The following PREX2 variants were observed in gnomAD, a reference collection of about 807,000 sequenced individuals.
PREX2 encodes the protein phosphatidylinositol-3,4,5-trisphosphate dependent Rac exchange factor 2.
A neutral mutation model predicts 203.2 loss-of-function variants in PREX2; 107 were observed. That is an observed-to-expected ratio of 0.53 (90% confidence interval 0.45 to 0.62). The LOEUF (loss-of-function observed/expected upper bound fraction) is 0.62, where lower values mean the gene tolerates loss of function less well. Ranked by LOEUF, PREX2 falls within the 20% of genes least tolerant of loss-of-function variation. PREX2 has a pLI of 0.00. For synonymous variants in PREX2, 672 were observed against 663.6 expected (o/e 1.01, Z -0.19); for missense variants, 1,777 against 1,955.9 (o/e 0.91, Z 1.72).
At chr8:68,093,995 T>C (rs1402760550) in intron 21 of PREX2, among the ~76,000 whole-genome samples, 3 of 152,336 alleles carry the variant, frequency 2.0e-5, no homozygotes, top group South Asian at 2.1e-4. Context: ...TCATTCTTTT[T>C]TGAGTGGAGA....
Position 68,120,188 on chromosome 8 carries a change from A to G in PREX2, c.3505-8A>G. On this transcript the variant is annotated splice_region_variant and splice_polypyrimidine_tract_variant and intron_variant, in intron 28 of 39. Coordinates refer to ENST00000288368, the MANE Select transcript of PREX2 (RefSeq NM_024870.4). ...AATATGTAACTCGGAAATCTCTACT[A>G]TTGATAGGTGGATTCAATTACCAAT... The G allele has an allele frequency of 6.3e-7, 1 of 1,580,730 alleles. No individual in the cohort carries two copies. Among genetic ancestry groups the G allele is most frequent in the Non-Finnish European group, 8.7e-7 (1 of 1,149,788 alleles).
At chr8:68,191,442 A>T (rs1812292076) in intron 35 of PREX2, among the ~76,000 whole-genome samples, 1 of 152,166 alleles carries the variant, frequency 6.6e-6, no homozygotes, top group African/African-American at 2.4e-5. Flanking sequence ...CAGTCTTATG[A>T]AGTAGAAGCT....
chr8:68,065,872 G>T (rs992410103), intron 11 of PREX2, among the ~76,000 whole-genome samples: 2 of 152,170 alleles, frequency 1.3e-5, no homozygotes, highest in African/African-American at 4.8e-5. Context: ...AAAGCGTAGA[G>T]ATTTAGTAGG....
At chr8:68,052,462 A>G (rs1387317232) in intron 8 of PREX2, among the ~76,000 whole-genome samples, 1 of 152,246 alleles carries the variant, frequency 6.6e-6, no homozygotes, top group Non-Finnish European at 1.5e-5. Flanking sequence ...ATGTCAATTT[A>G]TCTTCAAAAA....
chr8:68,231,523 A>T lies in PREX2; in HGVS notation c.*145A>T. 1 of 590,446 alleles carries T rather than the reference A, an allele frequency of 1.7e-6. No homozygotes were observed. Among genetic ancestry groups the T allele is most frequent in the Non-Finnish European group, 2.8e-6 (1 of 358,330 alleles). 36.6% of individuals were successfully genotyped at this position (590,446 alleles called of 1,614,324 possible). ...GTAAATCTTTCTTCCCATTGCAAAC[A>T]AGTAGTGATCAGTTTATACTTTGAT... On this transcript the variant is annotated 3_prime_UTR_variant, in exon 40 of 40. Coordinates refer to ENST00000288368, the MANE Select transcript of PREX2 (RefSeq NM_024870.4).
At chr8:68,017,268 A>C (rs776369595) in intron 1 of PREX2, among the ~76,000 whole-genome samples, 8 of 152,184 alleles carry the variant, frequency 5.3e-5, no homozygotes, top group Non-Finnish European at 1.0e-4. Flanking sequence ...CAGAAATTTA[A>C]ATTCTGGCTT....
At chr8:68,060,918 G>A in intron 11 of PREX2, 139 bp downstream of exon 11, 1 of 591,626 alleles carries the variant, frequency 1.7e-6, no homozygotes, top group Non-Finnish European at 2.9e-6. Flanking sequence ...TACCTAATAA[G>A]TGTAGAACAG....
rs930278241 is a variant in PREX2 at position 68,122,544 on chromosome 8, A to G, written c.3724+1495A>G. Among the ~76,000 whole-genome samples, 7 of 152,232 alleles carry G rather than the reference A, an allele frequency of 4.6e-5. No homozygotes were observed. The East Asian group carries it at 1.3e-3, about 29-fold the overall frequency. On this transcript the variant is annotated intron_variant, in intron 30 of 39. Transcript: ENST00000288368. ...TTTCTGCTGAATAGATGCCAGTATTATGACACTACTAGAAACTATAATTCT... is the reference window on the plus strand; with the variant it reads ...TTTCTGCTGAATAGATGCCAGTATTGTGACACTACTAGAAACTATAATTCT...
At chr8:68,040,658 T>C (rs1160288024) in intron 7 of PREX2, among the ~76,000 whole-genome samples, 1 of 152,170 alleles carries the variant, frequency 6.6e-6, no homozygotes, top group Non-Finnish European at 1.5e-5. Flanking sequence ...TCACTATCAA[T>C]ATCGGGAAAG....
intron 14 of PREX2, among the ~76,000 whole-genome samples, 172 bp from the exon 15 acceptor site, chr8:68,077,225 C>T (rs1332607606): frequency 6.6e-6 from 1 of 152,162 alleles, no homozygotes; most frequent in East Asian, 1.9e-4. Context: ...AAAATGTTTT[C>T]ATAATCAACT....
At position 68,060,783 on chromosome 8, in the gene PREX2, ATTACT is replaced by A; in HGVS notation, c.1339+8_1339+12del. 1.3e-6 allele frequency: 2 copies of A among 1,558,284 alleles called. No individual in the cohort carries two copies. Among genetic ancestry groups the A allele is most frequent in the African/African-American group, 1.4e-5 (1 of 73,550 alleles). ...GAAAATGGAATCATTCACCATGGTA[ATTACT>A]TTATTATTAATTACTTATTTAATGC... On this transcript the variant is annotated splice_donor_5th_base_variant and intron_variant, in intron 11 of 39. Transcript: ENST00000288368.
At chr8:68,100,057 A>G (rs772209871) in intron 23 of PREX2, 1 of 679,940 alleles carries the variant, frequency 1.5e-6, no homozygotes, top group South Asian at 1.4e-5. Flanking sequence ...ACTGTCCCAC[A>G]TCTTCAAAAT....
intron 18 of PREX2, among the ~76,000 whole-genome samples, chr8:68,084,438 G>A (rs891850520): frequency 2.0e-5 from 3 of 151,988 alleles, no homozygotes; most frequent in African/African-American, 7.2e-5. Flanking sequence ...TATGTAATAT[G>A]TTTATATGTT....
At chr8:68,143,832 T>TAAGTCTATA (rs1563563937) in intron 33 of PREX2, among the ~76,000 whole-genome samples, 1 of 152,210 alleles carries the variant, frequency 6.6e-6, no homozygotes, top group Non-Finnish European at 1.5e-5. Context: ...ATTTTATATT[T>TAAGTCTATA]AAGTCTATAA....
rs562481794 is a variant in PREX2, at chr8:68,209,290, C to T, written c.4605-8326C>T. 2.6e-5 allele frequency among the ~76,000 whole-genome samples: 4 copies of T among 152,116 alleles called. No individual in the cohort carries two copies. The South Asian group carries it at 8.3e-4, about 32-fold the overall frequency. ...CTTAGTAAAGTATCATAGACAACCA[C>T]ATCTGATTAGATTACTAATAACTTG... is the stretch of plus-strand genomic sequence containing the variant. On this transcript the variant is annotated intron_variant, in intron 37 of 39. Coordinates refer to ENST00000288368, the MANE Select transcript of PREX2 (RefSeq NM_024870.4).
chr8:67,969,980 A>G (rs1261000640), intron 1 of PREX2, among the ~76,000 whole-genome samples: 2 of 152,224 alleles, frequency 1.3e-5, no homozygotes, highest in South Asian at 2.1e-4. Flanking sequence ...TAAAATTTCT[A>G]TAGCTCAATT....
At position 68,191,756 on chromosome 8, in the gene PREX2, A is replaced by C. The variant is rs781364814; in HGVS notation, c.4381A>C (p.Asn1461His). 3.7e-6 allele frequency: 6 copies of C among 1,610,868 alleles called. No homozygotes were observed. The highest frequency in any genetic ancestry group is 5.1e-6 in the Non-Finnish European group (6 of 1,177,188). The change falls in exon 36 of 40, where the codon AAC becomes CAC. Residue 1461 changes from asparagine to histidine, a missense_variant. Coordinates refer to ENST00000288368, the MANE Select transcript of PREX2 (RefSeq NM_024870.4). ...FYLDKSNSPPNSTSKAAYVDK... is the reference protein window; with the variant it reads ...FYLDKSNSPPHSTSKAAYVDK... ...CTTGGACAAGTCAAATTCACCACCA[A>C]ACTCCACATCCAAAGCTGCCTATGT...
intron 31 of PREX2, among the ~76,000 whole-genome samples, chr8:68,132,259 G>A (rs1811023801): frequency 1.3e-5 from 2 of 151,818 alleles, no homozygotes. Context: ...AACAAAATAG[G>A]TGTTTAGTTT....
chr8:68,206,493 G>A (rs1002684395), intron 37 of PREX2, among the ~76,000 whole-genome samples: 4 of 152,082 alleles, frequency 2.6e-5, no homozygotes, highest in Admixed American at 6.5e-5. Context: ...TGATAGGGAG[G>A]ACTATGAAAA....
Sources: gnomAD v4.1 joint callset for allele counts (sites outside exome capture counted in the v4.1 genomes callset) on GRCh38, gnomAD v4.1.1 for gene constraint, MANE v1.5 for transcripts, NCBI Gene and HGNC (gene_info 2026-07-23, HGNC 2026-07-21) for gene names.